The following MTCL1 variants were observed in gnomAD, a reference collection of about 807,000 sequenced individuals.
The protein encoded by MTCL1 is microtubule crosslinking factor 1.
Under a neutral mutation model 141.4 loss-of-function variants are expected in MTCL1, and 79 were observed. The ratio of observed to expected loss-of-function variants is 0.56; its 90% CI spans 0.47 to 0.67. The LOEUF (loss-of-function observed/expected upper bound fraction) is 0.67. Ranked by LOEUF, MTCL1 falls within the 30% of genes least tolerant of loss-of-function variation. MTCL1 has a pLI of 0.00. For synonymous variants in MTCL1, 914 were observed against 875.8 expected (o/e 1.04, Z -0.77); for missense variants, 2,177 against 2,113.9 (o/e 1.03, Z -0.59).
chr18:8,815,852 C>T (rs998275612), intron 12 of MTCL1, among the ~76,000 whole-genome samples: 1 of 152,084 alleles, frequency 6.6e-6, no homozygotes, highest in African/African-American at 2.4e-5. Flanking sequence ...ACGTGAGTTT[C>T]GGGCATGCAT....
intron 4 of MTCL1, among the ~76,000 whole-genome samples, chr18:8,771,080 TA>T (rs920691940): frequency 6.6e-6 from 1 of 152,190 alleles, no homozygotes; most frequent in African/African-American, 2.4e-5. Flanking sequence ...AACGAGAGGC[TA>T]ATTAATTCGC....
At chr18:8,716,568 C>CTTTTTTTTTTT (rs1567928941), upstream of MTCL1, among the ~76,000 whole-genome samples, 1 of 108,892 alleles carries the variant, frequency 9.2e-6, no homozygotes, top group African/African-American at 3.4e-5. Context: ...TCTTTTTGTT[C>CTTTTTTTTTTT]ATTTTTTTTT....
At chr18:8,790,967 G>A (rs143340378) in intron 7 of MTCL1, among the ~76,000 whole-genome samples, 1,835 of 152,152 alleles carry the variant, frequency 0.012, 38 homozygotes, top group African/African-American at 0.042. Context: ...GTGAGCCGAC[G>A]TCACGCCACT....
chr18:8,786,110 T>TCACCCC lies in MTCL1; in HGVS notation c.1887+20_1887+21insACCCCC. The TCACCCC allele has an allele frequency of 7.6e-7, 1 of 1,310,348 alleles. No individual in the cohort carries two copies. The highest frequency in any genetic ancestry group is 1.0e-6 in the Non-Finnish European group (1 of 990,148). 81.2% of individuals were successfully genotyped at this position (1,310,348 alleles called of 1,614,324 possible). ...CCTGGAGGTCAGCGTGGGCAAGCAA[T>TCACCCC]CCCCCCCCCCCGCCCTCCCCCTCCT... On this transcript the variant is annotated intron_variant, in intron 7 of 16. Transcript: ENST00000359865.
At chr18:8,736,937 G>C (rs1043048528) in intron 4 of MTCL1, among the ~76,000 whole-genome samples, 18 of 152,156 alleles carry the variant, frequency 1.2e-4, no homozygotes, top group African/African-American at 4.3e-4. Flanking sequence ...ACTGCACCCG[G>C]CCTATCCATC....
intron 12 of MTCL1, among the ~76,000 whole-genome samples, chr18:8,814,513 GTCTCCTGTATTAAA>G (rs2076587867): frequency 6.6e-6 from 1 of 152,232 alleles, no homozygotes; most frequent in African/African-American, 2.4e-5. Flanking sequence ...CTTGTGAAGA[GTCTCCTGTATTAAA>G]TCTCCTGTGT....
At chr18:8,784,831 C>T (rs757414961) in exon 6 of MTCL1, 1 of 1,595,380 alleles carries the variant, frequency 6.3e-7, no homozygotes. Context: ...AGGAGCTGGG[C>T]CCAGACTTGC....
At chr18:8,794,758 G>A (rs1418231397) in intron 8 of MTCL1, among the ~76,000 whole-genome samples, 1 of 152,216 alleles carries the variant, frequency 6.6e-6, no homozygotes, top group Non-Finnish European at 1.5e-5. Context: ...GGTGAACTCT[G>A]TTCCTCATTG....
chr18:8,773,107 G>A (rs138569973), intron 4 of MTCL1, among the ~76,000 whole-genome samples: 38 of 152,240 alleles, frequency 2.5e-4, no homozygotes, highest in African/African-American at 9.2e-4. Context: ...ACTCACTCAC[G>A]ATGATAGAAG....
At position 8,828,259 on chromosome 18, in the gene MTCL1, C is replaced by G. The variant is rs1449557921; in HGVS notation, c.4723-649C>G. Among the ~76,000 whole-genome samples, 1 of 152,200 alleles carries G rather than the reference C, an allele frequency of 6.6e-6. No individual in the cohort carries two copies. Among genetic ancestry groups the G allele is most frequent in the African/African-American group, 2.4e-5 (1 of 41,440 alleles). On this transcript the variant is annotated intron_variant, in intron 15 of 16. Coordinates refer to ENST00000359865, the Ensembl canonical transcript of MTCL1. The surrounding 1 kb of genome is among the most constrained non-coding windows in gnomAD (Gnocchi z 5.2). Reference sequence around the variant, plus strand: ...CGAATGTTCACTCAGGCATCCACACCCAGGAGTGATGCAGGTGACAAGAAA... The same window carrying G: ...CGAATGTTCACTCAGGCATCCACACGCAGGAGTGATGCAGGTGACAAGAAA...
chr18:8,811,957 CAG>C (rs1429862162), intron 11 of MTCL1, among the ~76,000 whole-genome samples: 1 of 152,180 alleles, frequency 6.6e-6, no homozygotes, highest in Non-Finnish European at 1.5e-5. Flanking sequence ...TTTAATTAAT[CAG>C]AGTCTACCTT....
intron 4 of MTCL1, among the ~76,000 whole-genome samples, chr18:8,745,494 T>G (rs2096331584): frequency 6.6e-6 from 1 of 152,220 alleles, no homozygotes; most frequent in South Asian, 2.1e-4. Flanking sequence ...TTTACTGTTC[T>G]TTATCATTCC....
At position 8,756,377 on chromosome 18, in the gene MTCL1, A is replaced by ATG. The variant is rs1368808450; in HGVS notation, c.358-21454_358-21453dup. Among the ~76,000 whole-genome samples the ATG allele has an allele frequency of 2.0e-5, 3 of 147,158 alleles. No individual in the cohort carries two copies. In the East Asian group the frequency reaches 5.8e-4, roughly 29 times the overall value. ...TGTATATATGTATATATGTGTATATATGTATATATGTGTATATATGTATAT... is the reference window on the plus strand; with the variant it reads ...TGTATATATGTATATATGTGTATATATGTGTATATATGTGTATATATGTATAT... On this transcript the variant is annotated intron_variant, in intron 4 of 16. Transcript: ENST00000359865.
intron 7 of MTCL1, chr18:8,786,567 C>G: frequency 2.8e-6 from 1 of 359,576 alleles, no homozygotes; most frequent in Non-Finnish European, 5.5e-6. Context: ...ATCAGGGAGG[C>G]TCGCTCCTGA....
At chr18:8,804,236 A>G (rs2076218115) in intron 10 of MTCL1, among the ~76,000 whole-genome samples, 1 of 151,468 alleles carries the variant, frequency 6.6e-6, no homozygotes, top group African/African-American at 2.4e-5. Context: ...ACTCAACTGT[A>G]CTTATATAAT....
In MTCL1 at chr18:8,779,297, G is replaced by A. The variant is rs188901505; in HGVS notation, c.417+1405G>A. On this transcript the variant is annotated intron_variant, in intron 5 of 16. Transcript: ENST00000359865. This position sits in a 1 kb window ranked among gnomAD's most constrained non-coding sequence, Gnocchi z 4.1. ...CTGCCCTCTGCCTGCAACAGGAATC[G>A]TGTGTCATATGGAAAGTTGGACTTG... 2.0e-3 allele frequency among the ~76,000 whole-genome samples: 300 copies of A among 152,304 alleles called. 1 individual carries two copies. Among genetic ancestry groups the A allele is most frequent in the Non-Finnish European group, 7.4e-4 (50 of 68,022 alleles).
intron 4 of MTCL1, among the ~76,000 whole-genome samples, chr18:8,758,313 A>C (rs758015178): frequency 3.3e-5 from 5 of 152,114 alleles, no homozygotes; most frequent in Admixed American, 6.5e-5. Context: ...GTAAGCCACC[A>C]CGCCTGGCCA....
intron 8 of MTCL1, 123 bp from the exon 8 acceptor site, chr18:8,796,109 G>T: frequency 2.2e-6 from 2 of 909,412 alleles, no homozygotes; most frequent in Non-Finnish European, 3.5e-6. Flanking sequence ...GGGGACTCCT[G>T]TGTTTCACGT....
chr18:8,754,483 C>G (rs1470923263), intron 4 of MTCL1, among the ~76,000 whole-genome samples: 1 of 152,156 alleles, frequency 6.6e-6, no homozygotes, highest in Non-Finnish European at 1.5e-5. Flanking sequence ...AGTTCTTGCC[C>G]TTGGCTTTAT....
Sources: gnomAD v4.1 joint callset for allele counts (sites outside exome capture counted in the v4.1 genomes callset) on GRCh38, gnomAD v4.1.1 for gene constraint, Gnocchi (gnomAD v3.1) non-coding constraint, MANE v1.5 for transcripts, NCBI Gene and HGNC (gene_info 2026-07-23, HGNC 2026-07-21) for gene names.